The following PKP1 variants were observed in gnomAD, a reference collection of about 807,000 sequenced individuals.
PKP1 encodes the protein plakophilin-1.
A neutral mutation model predicts 76.4 loss-of-function variants in PKP1; 27 were observed. The ratio of observed to expected loss-of-function variants is 0.35; its 90% confidence interval spans 0.26 to 0.49. PKP1 has a LOEUF of 0.49. Ranked by LOEUF, PKP1 falls within the 20% of genes least tolerant of loss-of-function variation. PKP1 has a pLI of 0.99. For missense variants in PKP1, 964 were observed against 955.2 expected (o/e 1.01, Z -0.12); for synonymous variants, 404 against 384.2 (o/e 1.05, Z -0.60).
At chr1:201,327,189 G>T (rs544183796) in intron 12 of PKP1, among the ~76,000 whole-genome samples, 1 of 152,344 alleles carries the variant, frequency 6.6e-6, no homozygotes, top group South Asian at 2.1e-4. Flanking sequence ...TGGGTAAAAA[G>T]AGATCTGTTT....
rs1656848987 is a variant in PKP1, at chr1:201,318,737, A to G, written c.1174A>G (p.Asn392Asp). The change falls in exon 6 of 14, where the codon AAC (asparagine) becomes GAC (aspartate). Residue 392 changes from asparagine to aspartate, a missense_variant. By Grantham distance (23) the Asn-to-Asp change is conservative. Transcript: ENST00000367324. The stretch of plus-strand genomic sequence containing the variant: ...CTCTGGCTGGTGCGATGGCAATAGC[A>G]ACATGTCCCGGGAAGTGGTGGACCC... Reference protein sequence around the residue: ...PFSGWCDGNSNMSREVVDPEV... With the variant: ...PFSGWCDGNSDMSREVVDPEV... 1 of 1,611,814 alleles carries G rather than the reference A, an allele frequency of 6.2e-7. No individual in the cohort carries two copies. The highest frequency in any genetic ancestry group is 1.3e-5 in the African/African-American group (1 of 74,974).
intron 3 of PKP1, among the ~76,000 whole-genome samples, chr1:201,313,891 G>A (rs1357748352): frequency 2.0e-5 from 3 of 152,232 alleles, no homozygotes; most frequent in Non-Finnish European, 4.4e-5. Flanking sequence ...GAATTTGTTA[G>A]AAATGCTCAT....
chr1:201,296,448 G>T (rs1223891432), intron 2 of PKP1, among the ~76,000 whole-genome samples: 1 of 152,220 alleles, frequency 6.6e-6, no homozygotes, highest in African/African-American at 2.4e-5. Flanking sequence ...AAGGCAGGGA[G>T]GGTGGGGAGG....
intron 6 of PKP1, chr1:201,319,866 C>T (rs775638130): frequency 1.9e-6 from 3 of 1,614,098 alleles, no homozygotes; most frequent in South Asian, 2.2e-5. Flanking sequence ...CAAAGGGCCA[C>T]TAGTAGCAGG....
At chr1:201,323,595 T>G (rs141514864) in intron 9 of PKP1, among the ~76,000 whole-genome samples, 2 of 152,154 alleles carry the variant, frequency 1.3e-5, no homozygotes, top group African/African-American at 2.4e-5. Context: ...AGAGAAGATG[T>G]GACAGAATCC....
intron 8 of PKP1, among the ~76,000 whole-genome samples, chr1:201,322,507 C>A (rs1165545037): frequency 2.6e-5 from 4 of 152,120 alleles, no homozygotes; most frequent in African/African-American, 9.7e-5. Flanking sequence ...CCTTGGTTCC[C>A]ACCATCTCCT....
Position 201,328,798 on chromosome 1 carries a change from G to A in PKP1, c.2143G>A (p.Gly715Arg), listed in dbSNP as rs774284273. ...FDRNMLGTLA[G>R]ANSLRNFTSR... is the part of the protein sequence containing the mutation. ...TAGGAACATGCTGGGAACCTTAGCT[G>A]GGGCCAACAGCCTCAGGAACTTCAC... Residue 715 changes from glycine to arginine, a missense_variant, in exon 13 of 14, where the codon GGG (glycine) becomes AGG (arginine). Transcript: ENST00000367324. 6.2e-7 allele frequency: 1 copy of A among 1,614,136 alleles called. No homozygotes were observed. Among genetic ancestry groups the A allele is most frequent in the Admixed American group, 1.7e-5 (1 of 60,022 alleles).
At chr1:201,323,490 G>A (rs185110219) in intron 9 of PKP1, among the ~76,000 whole-genome samples, 34 of 152,270 alleles carry the variant, frequency 2.2e-4, no homozygotes, top group Non-Finnish European at 3.4e-4. Context: ...GCTTGAGGTC[G>A]GGGAATGCGG....
chr1:201,316,786 A>G, intron 4 of PKP1, 89 bp downstream of exon 4: 1 of 1,425,276 alleles, frequency 7.0e-7, no homozygotes, highest in Non-Finnish European at 9.8e-7. Context: ...GGGTGAGGGC[A>G]TCTGCAGTTG....
chr1:201,297,587 T>C (rs945709905), intron 2 of PKP1, among the ~76,000 whole-genome samples: 39 of 152,252 alleles, frequency 2.6e-4, no homozygotes, highest in Admixed American at 5.2e-4. Flanking sequence ...TACAGCGGAC[T>C]AGATCTCTGA....
chr1:201,299,343 A>G (rs1656157951), intron 2 of PKP1, among the ~76,000 whole-genome samples: 1 of 152,204 alleles, frequency 6.6e-6, no homozygotes. Flanking sequence ...AAAGAGCAGT[A>G]TGAAGTTTAT....
chr1:201,314,405 T>C (rs1656663045), intron 3 of PKP1, among the ~76,000 whole-genome samples: 1 of 152,112 alleles, frequency 6.6e-6, no homozygotes, highest in African/African-American at 2.4e-5. Context: ...GAGGTTGCAG[T>C]GAGCTGAGAT....
At position 201,302,677 on chromosome 1, in the gene PKP1, C is replaced by T. The variant is rs149520868; in HGVS notation, c.306+8632C>T. On this transcript the variant is annotated intron_variant, in intron 2 of 13. Transcript: ENST00000367324. ...CAAACTCAGCTGAAAACAAAATCAG[C>T]TCAGGCACGGGGAGGGGACGGGGGA... Among the ~76,000 whole-genome samples, 1,250 of 152,266 alleles carry T rather than the reference C, an allele frequency of 8.2e-3. 41 individuals are homozygous for T. The South Asian group carries it at 0.11, about 13-fold the overall frequency.
At chr1:201,306,854 T>C (rs987924889) in intron 2 of PKP1, among the ~76,000 whole-genome samples, 1 of 152,144 alleles carries the variant, frequency 6.6e-6, no homozygotes, top group African/African-American at 2.4e-5. Flanking sequence ...TTTGTTTTTT[T>C]TGTATTTTTA....
At chr1:201,322,981 A>C (rs1311812348) in intron 8 of PKP1, 32 bp from the exon 9 acceptor site, 6 of 1,610,092 alleles carry the variant, frequency 3.7e-6, no homozygotes. Flanking sequence ...AAGGCTCCCC[A>C]TTGACCCCCC....
rs781510878 is a variant in PKP1, at chr1:201,313,285, C to T, written c.426C>T (p.Ser142=). The change falls in exon 3 of 14, where the codon AGC becomes AGT. Residue 142 remains serine (S), a synonymous_variant. Transcript: ENST00000367324. The part of the protein sequence containing the change: ...RGSCNTTGAG[S]DICFMQKIKA... ...GCTGTAACACCACCGGCGCAGGCAGCGACATCTGCTTCATGCAGAAAATCA... is the reference window on the plus strand; with the variant it reads ...GCTGTAACACCACCGGCGCAGGCAGTGACATCTGCTTCATGCAGAAAATCA... 16 of 1,602,924 alleles carry T rather than the reference C, an allele frequency of 1.0e-5. No individual in the cohort carries two copies. In the Middle Eastern group the frequency reaches 4.9e-4, roughly 49 times the overall value.
In PKP1 at chr1:201,330,398, A is replaced by G. The variant is rs1304254710; in HGVS notation, c.*357A>G. ...GCATGTGTGTGTGTGTGAGTGTCTT[A>G]AAGCATAACCACAAACTGCAAAAAG... On this transcript the variant is annotated 3_prime_UTR_variant, in exon 14 of 14. Transcript: ENST00000367324. 3 of 152,368 alleles carry G rather than the reference A, an allele frequency of 2.0e-5. No homozygotes were observed. The East Asian group carries it at 5.8e-4, about 29-fold the overall frequency. 9.4% of individuals were successfully genotyped at this position (152,368 alleles called of 1,614,324 possible).
chr1:201,322,217 C>A, intron 8 of PKP1, 84 bp downstream of exon 8: 4 of 1,488,218 alleles, frequency 2.7e-6, no homozygotes, highest in Non-Finnish European at 2.8e-6. Context: ...TTCCTCTGGG[C>A]CCTCCTGGAG....
chr1:201,328,317 C>T (rs937232434), intron 12 of PKP1: 1 of 307,904 alleles, frequency 3.2e-6, no homozygotes, highest in Non-Finnish European at 6.3e-6. Flanking sequence ...CTTACCAGTG[C>T]GAGCCCCCTG....
Sources: gnomAD v4.1 joint callset for allele counts (sites outside exome capture counted in the v4.1 genomes callset) on GRCh38, gnomAD v4.1.1 for gene constraint, MANE v1.5 for transcripts, NCBI Gene and HGNC (gene_info 2026-07-23, HGNC 2026-07-21) for gene names.